RORC: variants seen among roughly 807,000 people sequenced by gnomAD.
RORC encodes nuclear receptor ROR-gamma.
A neutral mutation model predicts 64.5 loss-of-function variants in RORC; 13 were observed. The observed-to-expected ratio is 0.20, with a 90% CI of 0.13 to 0.32. The LOEUF (loss-of-function observed/expected upper bound fraction) is 0.32. RORC is among the 10% of genes least tolerant of loss of function. The probability of loss-of-function intolerance (pLI) is 1.00; values close to 1 mark genes in which losing one functional copy is unlikely to be tolerated. For synonymous variants in RORC, 277 were observed against 259.3 expected, an observed-to-expected ratio of 1.07 and a Z score of -0.65; for missense variants, 468 against 669.5, an observed-to-expected ratio of 0.70 and a Z score of 3.32.
Position 151,814,690 on chromosome 1 carries a change from G to T in RORC, c.817C>A (p.Leu273Met), listed in dbSNP as rs781293238. The T allele has an allele frequency of 6.2e-7, 1 of 1,606,044 alleles. No individual in the cohort carries two copies. The highest frequency in any genetic ancestry group is 1.7e-5 in the Admixed American group (1 of 59,812). The change falls in exon 6 of 11, where the codon CTG becomes ATG. Residue 273 changes from leucine to methionine, a missense_variant. This residue lies in a region of RORC where 241 missense variants were observed against 295.5 expected (regional missense o/e 0.82). Transcript: ENST00000318247. Reference sequence around the variant, plus strand: ...TAGGACTTGCAGACGCTCTGCACCAGGTGCTCTGGGGCCGGAGAAGGAAGG... The same window carrying T: ...TAGGACTTGCAGACGCTCTGCACCATGTGCTCTGGGGCCGGAGAAGGAAGG... Reference protein sequence around the residue: ...PYASLTEIEHLVQSVCKSYRE... With the variant: ...PYASLTEIEHMVQSVCKSYRE...
intron 2 of RORC, among the ~76,000 whole-genome samples, chr1:151,827,391 G>T (rs992231509): frequency 6.6e-6 from 1 of 151,300 alleles, no homozygotes; most frequent in African/African-American, 2.4e-5. Flanking sequence ...GGGGAGGGGG[G>T]TCCTTCTCAG....
At chr1:151,822,981 G>A (rs1652051161) in intron 2 of RORC, among the ~76,000 whole-genome samples, 1 of 152,318 alleles carries the variant, frequency 6.6e-6, no homozygotes, top group South Asian at 2.1e-4. Context: ...AGCGGCAGGG[G>A]ATGGGGAGGA....
chr1:151,822,741 T>C (rs1354712623), intron 2 of RORC, among the ~76,000 whole-genome samples: 1 of 152,252 alleles, frequency 6.6e-6, no homozygotes, highest in African/African-American at 2.4e-5. Context: ...ACCTTGGCTC[T>C]GGCCCTGAGG....
chr1:151,816,511 G>A (rs561284050), intron 4 of RORC, among the ~76,000 whole-genome samples, 153 bp downstream of exon 4: 1 of 152,338 alleles, frequency 6.6e-6, no homozygotes, highest in South Asian at 2.1e-4. Flanking sequence ...TCCATCCCTG[G>A]AGGGGAGGAG....
intron 10 of RORC, among the ~76,000 whole-genome samples, chr1:151,809,707 T>C (rs1219202042): frequency 6.6e-6 from 1 of 152,256 alleles, no homozygotes; most frequent in African/African-American, 2.4e-5. Context: ...AAATCCATCC[T>C]GTAGCAGATT....
At chr1:151,816,947 A>G in intron 3 of RORC, 142 bp from the exon 4 acceptor site, 3 of 975,208 alleles carry the variant, frequency 3.1e-6, no homozygotes, top group Middle Eastern at 2.9e-4. Context: ...TATTTGTGTA[A>G]TTGCAATTTA....
chr1:151,807,215 T>G lies in RORC; in HGVS notation c.*257A>C. 2.6e-6 allele frequency: 1 copy of G among 381,608 alleles called. No homozygotes were observed. Among genetic ancestry groups the G allele is most frequent in the Non-Finnish European group, 4.7e-6 (1 of 211,158 alleles). 23.6% of individuals were successfully genotyped at this position (381,608 alleles called of 1,614,324 possible). ...CACCCCATGCCTTCCAGAAGCTGGG[T>G]GTGAAGGAATATGGGAAATGAGACA... is the stretch of plus-strand genomic sequence containing the variant. On this transcript the variant is annotated 3_prime_UTR_variant, in exon 11 of 11. Coordinates refer to ENST00000318247, the MANE Select transcript of RORC (RefSeq NM_005060.4). This position sits in a 1 kb window ranked among gnomAD's most constrained non-coding sequence, Gnocchi z 5.0.
At chr1:151,826,191 G>A (rs1652190222) in intron 2 of RORC, 3 of 920,030 alleles carry the variant, frequency 3.3e-6, no homozygotes, top group South Asian at 8.7e-5. Flanking sequence ...GGCGCCCCAC[G>A]TGGCCAATCT....
rs1652360172 is a variant in RORC at position 151,830,461 on chromosome 1, C to G, written c.41-1003G>C. On this transcript the variant is annotated intron_variant, in intron 1 of 10. Coordinates refer to ENST00000318247, the MANE Select transcript of RORC (RefSeq NM_005060.4). The surrounding 1 kb of genome is among the most constrained non-coding windows in gnomAD (Gnocchi z 4.0). ...GAGGATTCCCCTGCCAGACCTTGGCCCATTTCCTACATCCACATAGCAGCT... is the reference window on the plus strand; with the variant it reads ...GAGGATTCCCCTGCCAGACCTTGGCGCATTTCCTACATCCACATAGCAGCT... 1.3e-5 allele frequency among the ~76,000 whole-genome samples: 2 copies of G among 151,970 alleles called. No homozygotes were observed. The highest frequency in any genetic ancestry group is 2.4e-5 in the African/African-American group (1 of 41,328).
rs35203553 is a variant in RORC, at chr1:151,809,435, G to GA, written c.1396-1803dup. ...AAACAAACAACAACAACAAAAACAA[G>GA]AAAAAAACCACAGGAGTAGGGCATG... On this transcript the variant is annotated intron_variant, in intron 10 of 10. Coordinates refer to ENST00000318247, the MANE Select transcript of RORC (RefSeq NM_005060.4). 8.2e-3 allele frequency among the ~76,000 whole-genome samples: 1,249 copies of GA among 151,760 alleles called. 17 individuals carry two copies. The highest frequency in any genetic ancestry group is 0.029 in the African/African-American group (1,191 of 41,414).
intron 6 of RORC, 156 bp downstream of exon 6, chr1:151,814,418 G>A (rs1028402787): frequency 1.4e-5 from 10 of 697,640 alleles, no homozygotes; most frequent in South Asian, 1.9e-5. Context: ...ACACACATTC[G>A]CAACTGTACA....
At chr1:151,827,917 G>C (rs966658847) in intron 2 of RORC, among the ~76,000 whole-genome samples, 2 of 152,078 alleles carry the variant, frequency 1.3e-5, no homozygotes, top group African/African-American at 2.4e-5. Context: ...TGCTCCGAAA[G>C]TCCCCCTACT....
In RORC at chr1:151,814,979, C is replaced by T. The variant is rs1257570507; in HGVS notation, c.745G>A (p.Asp249Asn). 3 of 1,614,120 alleles carry T rather than the reference C, an allele frequency of 1.9e-6. No homozygotes were observed. The highest frequency in any genetic ancestry group is 1.7e-6 in the Non-Finnish European group (2 of 1,180,042). Residue 249 changes from aspartate to asparagine, a missense_variant, in exon 5 of 11, where the codon GAC (aspartate) becomes AAC (asparagine). This residue lies in a region of RORC where 241 missense variants were observed against 295.5 expected (regional missense o/e 0.82). Transcript: ENST00000318247. Reference protein sequence around the residue: ...PGLGELGQGPDSYGSPSFRST... With the variant: ...PGLGELGQGPNSYGSPSFRST... ...CGGAAACTGGGGCTGCCGTAGCTGT[C>T]TGGGCCCTGTCCCAGTTCCCCAAGC... is the stretch of plus-strand genomic sequence containing the variant.
At chr1:151,823,666 G>T (rs1355109645) in intron 2 of RORC, among the ~76,000 whole-genome samples, 2 of 152,148 alleles carry the variant, frequency 1.3e-5, no homozygotes, top group Non-Finnish European at 2.9e-5. Context: ...AAGAGACAGG[G>T]TCTCGCTCTG....
chr1:151,808,001 T>C (rs1296573375), intron 10 of RORC, among the ~76,000 whole-genome samples: 2 of 152,212 alleles, frequency 1.3e-5, no homozygotes, highest in Non-Finnish European at 1.5e-5. Context: ...TGTTCCCCTC[T>C]TCCCATTACT....
chr1:151,820,203 T>C (rs1292086541), intron 2 of RORC, among the ~76,000 whole-genome samples: 1 of 151,162 alleles, frequency 6.6e-6, no homozygotes. Flanking sequence ...AAAGTACCAG[T>C]GCTGTGTACA....
In RORC at chr1:151,807,442, T is replaced by C. The variant is rs372806589; in HGVS notation, c.*30A>G. On this transcript the variant is annotated 3_prime_UTR_variant, in exon 11 of 11. Coordinates refer to ENST00000318247, the MANE Select transcript of RORC (RefSeq NM_005060.4). The surrounding 1 kb of genome is among the most constrained non-coding windows in gnomAD (Gnocchi z 5.0). Reference sequence around the variant, plus strand: ...TCCAGGGAGGTGGGCCAGCAGGCCATAGGGAGAGGCAAGGAGTCCCTCTTC... The same window carrying C: ...TCCAGGGAGGTGGGCCAGCAGGCCACAGGGAGAGGCAAGGAGTCCCTCTTC... 48 of 1,609,952 alleles carry C rather than the reference T, an allele frequency of 3.0e-5. No homozygotes were observed. Among genetic ancestry groups the C allele is most frequent in the Admixed American group, 6.7e-5 (4 of 59,914 alleles).
rs772562072 is a variant in RORC, at chr1:151,823,067, G to A, written c.71-5787C>T. Among the ~76,000 whole-genome samples, 9 of 152,278 alleles carry A rather than the reference G, an allele frequency of 5.9e-5. No individual in the cohort carries two copies. In the South Asian group the frequency reaches 8.3e-4, roughly 14 times the overall value. ...TTTCAGAGTCTAGCACCTTGGGCTC[G>A]GTGGTTTGGTATTTCTGTTAGGAAT... is the stretch of plus-strand genomic sequence containing the variant. On this transcript the variant is annotated intron_variant, in intron 2 of 10. Coordinates refer to ENST00000318247, the MANE Select transcript of RORC (RefSeq NM_005060.4).
At chr1:151,817,077 G>C in intron 3 of RORC, 118 bp downstream of exon 3, 1 of 849,992 alleles carries the variant, frequency 1.2e-6, no homozygotes. Context: ...TCAGAACAAA[G>C]GCCATTAACC....
Sources: allele counts gnomAD v4.1 joint callset (sites outside exome capture counted in the v4.1 genomes callset), GRCh38; gene constraint gnomAD v4.1.1; regional missense constraint gnomAD v4.1.1; non-coding constraint Gnocchi (gnomAD v3.1); transcripts MANE v1.5; gene names NCBI Gene and HGNC (gene_info 2026-07-23, HGNC 2026-07-21).